Variants in NDST4 observed in about 807,000 individuals in gnomAD.
NDST4 encodes the protein N-deacetylase and N-sulfotransferase 4.
Under a neutral mutation model 100.8 loss-of-function variants are expected in NDST4, and 63 were observed. The observed-to-expected ratio is 0.62, with a 90% CI of 0.51 to 0.77. The LOEUF is 0.77. Among genes scored for constraint, NDST4 ranks in the 30% least tolerant of loss-of-function variants. The pLI is 0.00. For missense variants in NDST4, 943 were observed against 1,018.4 expected (o/e 0.93, Z 1.01); for synonymous variants, 377 against 361.8 (o/e 1.04, Z -0.48).
chr4:115,084,005 G>A (rs1729359816), intron 1 of NDST4, among the ~76,000 whole-genome samples: 1 of 152,126 alleles, frequency 6.6e-6, no homozygotes, highest in Non-Finnish European at 1.5e-5. Context: ...TTGGAACTGG[G>A]TAACAGGCAG....
intron 6 of NDST4, among the ~76,000 whole-genome samples, chr4:114,909,242 G>A (rs1326092759): frequency 1.3e-5 from 2 of 152,106 alleles, no homozygotes; most frequent in East Asian, 1.9e-4. Context: ...TTCTCATGAC[G>A]ATGACGATGA....
intron 2 of NDST4, among the ~76,000 whole-genome samples, chr4:115,074,740 G>A (rs1729145571): frequency 6.6e-6 from 1 of 151,886 alleles, no homozygotes; most frequent in African/African-American, 2.4e-5. Flanking sequence ...CAGGTCTTAG[G>A]ATGAAAAAAA....
In NDST4 at chr4:114,910,183, T is replaced by C. The variant is rs532405445; in HGVS notation, c.1536+25023A>G. Among the ~76,000 whole-genome samples the C allele has an allele frequency of 7.9e-5, 12 of 152,280 alleles. No homozygotes were observed. In the South Asian group the frequency reaches 2.5e-3, roughly 32 times the overall value. On this transcript the variant is annotated intron_variant, in intron 6 of 13. Transcript: ENST00000264363. ...GTTTTAAATATGTCAGAGCACATTC[T>C]CTCAAGATCCACTCAAGAGCTTGAT...
chr4:114,917,751 G>A (rs765279229), intron 6 of NDST4, among the ~76,000 whole-genome samples: 3 of 152,100 alleles, frequency 2.0e-5, no homozygotes, highest in Non-Finnish European at 4.4e-5. Context: ...TCACACGGTA[G>A]CTCTGCTACT....
At chr4:114,856,611 T>C (rs1181347361) in intron 7 of NDST4, among the ~76,000 whole-genome samples, 1 of 152,196 alleles carries the variant, frequency 6.6e-6, no homozygotes, top group African/African-American at 2.4e-5. Flanking sequence ...CCAATTAAAA[T>C]AGAAGATCCA....
intron 6 of NDST4, among the ~76,000 whole-genome samples, chr4:114,872,654 C>T (rs765998058): frequency 2.0e-5 from 3 of 151,948 alleles, no homozygotes; most frequent in Non-Finnish European, 4.4e-5. Flanking sequence ...TTACTATGTA[C>T]TAAGCAGGAT....
intron 4 of NDST4, among the ~76,000 whole-genome samples, chr4:114,946,036 C>A (rs1397005207): frequency 6.6e-6 from 1 of 152,136 alleles, no homozygotes; most frequent in Non-Finnish European, 1.5e-5. Flanking sequence ...CTAAGTAGAG[C>A]TATTTTGGGC....
At chr4:114,921,113 C>T (rs1725277204) in intron 6 of NDST4, among the ~76,000 whole-genome samples, 1 of 151,800 alleles carries the variant, frequency 6.6e-6, no homozygotes, top group South Asian at 2.1e-4. Context: ...TCTATTAATA[C>T]AAAAATTAAA....
intron 1 of NDST4, among the ~76,000 whole-genome samples, chr4:115,084,882 C>T (rs1392893720): frequency 2.6e-5 from 4 of 152,134 alleles, no homozygotes; most frequent in Non-Finnish European, 4.4e-5. Context: ...TAGCCACCCC[C>T]CCCACAGTCC....
At chr4:115,078,399 T>TA (rs1729234408) in intron 1 of NDST4, among the ~76,000 whole-genome samples, 1 of 152,112 alleles carries the variant, frequency 6.6e-6, no homozygotes, top group Non-Finnish European at 1.5e-5. Context: ...CTGATAGTGA[T>TA]ATGGACAGTG....
chr4:115,098,874 T>C (rs77231849), intron 1 of NDST4, among the ~76,000 whole-genome samples: 2 of 152,084 alleles, frequency 1.3e-5, no homozygotes, highest in African/African-American at 4.8e-5. Flanking sequence ...TAATTTTTTT[T>C]ATATACATAT....
intron 6 of NDST4, among the ~76,000 whole-genome samples, chr4:114,882,323 G>C (rs1274606483): frequency 6.6e-6 from 1 of 151,842 alleles, no homozygotes. Context: ...TATGACATGT[G>C]GGCCTTAAGG....
chr4:115,062,993 T>C (rs899401680), intron 2 of NDST4, among the ~76,000 whole-genome samples: 22 of 152,068 alleles, frequency 1.4e-4, no homozygotes, highest in African/African-American at 5.3e-4. Context: ...TCTTATGTGA[T>C]ACAAGTAACA....
intron 2 of NDST4, among the ~76,000 whole-genome samples, chr4:115,047,706 C>T (rs974717954): frequency 1.3e-5 from 2 of 151,954 alleles, no homozygotes; most frequent in Non-Finnish European, 2.9e-5. Context: ...ATTGCCCTTG[C>T]TAATTAGGTT....
At chr4:115,060,339 T>C (rs566388) in intron 2 of NDST4, among the ~76,000 whole-genome samples, 23,900 of 151,954 alleles carry the variant, frequency 0.16, 2,323 homozygotes, top group East Asian at 0.46. Flanking sequence ...TTACTGTAGA[T>C]TTCTATAACT....
At chr4:115,106,928 G>A (rs1729844718) in intron 1 of NDST4, among the ~76,000 whole-genome samples, 1 of 152,124 alleles carries the variant, frequency 6.6e-6, no homozygotes, top group African/African-American at 2.4e-5. Flanking sequence ...GCTGAGGTAG[G>A]AGGATAGCTT....
At chr4:114,983,411 C>A (rs1170844213) in intron 2 of NDST4, among the ~76,000 whole-genome samples, 3 of 152,190 alleles carry the variant, frequency 2.0e-5, no homozygotes, top group African/African-American at 7.2e-5. Flanking sequence ...GGATGTGAGA[C>A]CTGAACTCAA....
chr4:115,073,402 T>C lies in NDST4; in HGVS notation c.978+2657A>G, dbSNP rs116336600. On this transcript the variant is annotated intron_variant, in intron 2 of 13. Transcript: ENST00000264363. The stretch of plus-strand genomic sequence containing the variant: ...AGCATTATTTACAATAGCCAAGATA[T>C]AGAATCAGCCTAAGCATCTTATCAG... Among the ~76,000 whole-genome samples the C allele has an allele frequency of 6.9e-3, 1,051 of 152,120 alleles. 10 individuals carry two copies. The highest frequency in any genetic ancestry group is 0.024 in the African/African-American group (983 of 41,554).
chr4:114,950,505 A>G (rs1725966637), intron 4 of NDST4, among the ~76,000 whole-genome samples: 1 of 152,074 alleles, frequency 6.6e-6, no homozygotes. Context: ...CCTCTGTCAC[A>G]TATTTCCTTT....
Sources: allele counts gnomAD v4.1 joint callset (sites outside exome capture counted in the v4.1 genomes callset), GRCh38; gene constraint gnomAD v4.1.1; transcripts MANE v1.5; gene names NCBI Gene and HGNC (gene_info 2026-07-23, HGNC 2026-07-21).